CDH13: variants seen among roughly 807,000 people sequenced by gnomAD.
CDH13 encodes cadherin-13.
Under a neutral mutation model 63.8 loss-of-function variants are expected in CDH13, and 24 were observed. That is an observed-to-expected ratio of 0.38 (90% CI 0.27 to 0.53). The LOEUF is 0.53. Among genes scored for constraint, CDH13 ranks in the 20% least tolerant of loss-of-function variants. The pLI is 0.85. For synonymous variants in CDH13, 503 were observed against 355.3 expected, an observed-to-expected ratio of 1.42 and a Z score of -4.67; for missense variants, 1,049 against 903.1, an observed-to-expected ratio of 1.16 and a Z score of -2.07.
At chr16:83,074,571 T>G (rs1249140603) in intron 3 of CDH13, among the ~76,000 whole-genome samples, 1 of 152,194 alleles carries the variant, frequency 6.6e-6, no homozygotes, top group African/African-American at 2.4e-5. Context: ...TTAAGAAATA[T>G]CCATACTGTT....
At chr16:83,481,129 A>G (rs17758665) in intron 6 of CDH13, among the ~76,000 whole-genome samples, 19,396 of 152,262 alleles carry the variant, frequency 0.13, 1,602 homozygotes, top group South Asian at 0.25. Flanking sequence ...ACCTGGTGAC[A>G]TCTGCCATCT....
intron 3 of CDH13, among the ~76,000 whole-genome samples, chr16:83,066,912 C>A (rs1054469047): frequency 2.0e-5 from 3 of 152,106 alleles, no homozygotes; most frequent in African/African-American, 7.2e-5. Context: ...CTAAGAAAGC[C>A]TAACTTTACC....
intron 1 of CDH13, among the ~76,000 whole-genome samples, chr16:82,856,693 C>CAAAAAAAAAAAAAAAA (rs56106728): frequency 2.0e-5 from 1 of 49,546 alleles, no homozygotes; most frequent in Non-Finnish European, 3.3e-5. Flanking sequence ...GACTCGGTCT[C>CAAAAAAAAAAAAAAAA]AAAAAAAAAA....
intron 6 of CDH13, among the ~76,000 whole-genome samples, chr16:83,440,230 G>T (rs984546264): frequency 6.6e-6 from 1 of 152,218 alleles, no homozygotes; most frequent in Non-Finnish European, 1.5e-5. Context: ...GTTGTAGACA[G>T]GCTTAGGACA....
intron 2 of CDH13, among the ~76,000 whole-genome samples, chr16:82,918,506 CTTTT>C (rs34099579): frequency 1.7e-5 from 2 of 119,704 alleles, no homozygotes; most frequent in African/African-American, 6.1e-5. Context: ...TACACTTTCA[CTTTT>C]TTTTTTTTTT....
chr16:83,035,834 C>T (rs1421533069), intron 3 of CDH13, among the ~76,000 whole-genome samples: 3 of 152,134 alleles, frequency 2.0e-5, no homozygotes, highest in African/African-American at 7.2e-5. Context: ...TTGGATCTTC[C>T]TGTGGATTCA....
intron 1 of CDH13, among the ~76,000 whole-genome samples, chr16:82,785,311 A>C (rs1029207241): frequency 2.0e-4 from 30 of 152,262 alleles, no homozygotes; most frequent in African/African-American, 7.2e-4. Context: ...AAGAGAGACA[A>C]CTAAGCCATA....
intron 6 of CDH13, among the ~76,000 whole-genome samples, chr16:83,418,072 C>A (rs952652096): frequency 6.6e-6 from 1 of 152,098 alleles, no homozygotes; most frequent in Non-Finnish European, 1.5e-5. Context: ...TAGAACATGG[C>A]AGTTAGGAAA....
At chr16:82,938,641 C>G (rs1050529598) in intron 2 of CDH13, among the ~76,000 whole-genome samples, 3 of 151,974 alleles carry the variant, frequency 2.0e-5, no homozygotes, top group African/African-American at 7.3e-5. Context: ...TTGCAGTCCT[C>G]GAGAAGAGAC....
At chr16:82,652,404 A>G (rs1322764175) in intron 1 of CDH13, among the ~76,000 whole-genome samples, 6 of 152,228 alleles carry the variant, frequency 3.9e-5, no homozygotes, top group African/African-American at 4.8e-5. Flanking sequence ...CTCTCGTTAT[A>G]TATCTTCTAT....
At chr16:83,026,169 C>T (rs1300306807) in intron 2 of CDH13, among the ~76,000 whole-genome samples, 1 of 152,182 alleles carries the variant, frequency 6.6e-6, no homozygotes, top group Non-Finnish European at 1.5e-5. Flanking sequence ...CTCAGTGTGA[C>T]CTCACTTGGT....
intron 8 of CDH13, among the ~76,000 whole-genome samples, chr16:83,613,743 G>A (rs1237296432): frequency 1.3e-5 from 2 of 152,108 alleles, no homozygotes; most frequent in Non-Finnish European, 1.5e-5. Flanking sequence ...TGAGGCACGA[G>A]AATCACTTGA....
intron 10 of CDH13, among the ~76,000 whole-genome samples, chr16:83,703,159 G>A (rs1230457274): frequency 6.6e-6 from 1 of 152,202 alleles, no homozygotes; most frequent in Non-Finnish European, 1.5e-5. Flanking sequence ...TAAAGAACAG[G>A]CAAGGAATGG....
At chr16:83,635,594 G>A (rs993991993) in intron 8 of CDH13, among the ~76,000 whole-genome samples, 21 of 151,962 alleles carry the variant, frequency 1.4e-4, no homozygotes, top group African/African-American at 3.9e-4. Flanking sequence ...TGCCTGCCTC[G>A]GCATCCCAAA....
At chr16:83,184,996 G>C (rs2038474039) in intron 4 of CDH13, among the ~76,000 whole-genome samples, 1 of 151,774 alleles carries the variant, frequency 6.6e-6, no homozygotes, top group African/African-American at 2.4e-5. Flanking sequence ...TGTGGTGTGT[G>C]GGTATATATA....
At chr16:83,109,149 G>A (rs754451842) in intron 3 of CDH13, among the ~76,000 whole-genome samples, 10 of 152,284 alleles carry the variant, frequency 6.6e-5, no homozygotes, top group East Asian at 1.9e-4. Context: ...CAGAAGTCAC[G>A]AGGATCCCTC....
At chr16:82,677,780 C>G (rs917738264) in intron 1 of CDH13, among the ~76,000 whole-genome samples, 1 of 152,148 alleles carries the variant, frequency 6.6e-6, no homozygotes, top group African/African-American at 2.4e-5. Flanking sequence ...CTACATTTCC[C>G]CCTCCAATTT....
intron 4 of CDH13, among the ~76,000 whole-genome samples, chr16:83,198,198 T>TA (rs1004420949): frequency 8.0e-5 from 12 of 150,338 alleles, no homozygotes; most frequent in Admixed American, 2.0e-4. Flanking sequence ...AACCTGGTTT[T>TA]AAAAAAAAAA....
intron 10 of CDH13, among the ~76,000 whole-genome samples, chr16:83,705,939 C>A (rs60060661): frequency 6.6e-6 from 1 of 151,994 alleles, no homozygotes; most frequent in Non-Finnish European, 1.5e-5. Context: ...GGCTGGTTGC[C>A]TCTTTCAGCC....
Sources: allele counts gnomAD v4.1 joint callset (sites outside exome capture counted in the v4.1 genomes callset), GRCh38; gene constraint gnomAD v4.1.1; transcripts MANE v1.5; gene names NCBI Gene and HGNC (gene_info 2026-07-23, HGNC 2026-07-21).